The following TRAPPC9 variants were observed in gnomAD, a reference collection of about 807,000 sequenced individuals.
TRAPPC9 encodes IKK2 binding protein.
A neutral mutation model predicts 124.0 loss-of-function variants in TRAPPC9; 83 were observed. The observed-to-expected ratio is 0.67, with a 90% CI of 0.56 to 0.80. The LOEUF is 0.80. Ranked by LOEUF, TRAPPC9 falls within the 30% of genes least tolerant of loss-of-function variation. The pLI is 0.00. For missense variants in TRAPPC9, 1,302 were observed against 1,508.3 expected (o/e 0.86, Z 2.27); for synonymous variants, 638 against 617.5 (o/e 1.03, Z -0.49).
At chr8:139,945,871 G>A (rs931654805) in intron 19 of TRAPPC9, among the ~76,000 whole-genome samples, 3 of 152,106 alleles carry the variant, frequency 2.0e-5, no homozygotes, top group African/African-American at 7.2e-5. Flanking sequence ...GAAATATGAT[G>A]GACTAACAGA....
intron 3 of TRAPPC9, among the ~76,000 whole-genome samples, chr8:140,437,150 A>T (rs1311809305): frequency 9.3e-5 from 11 of 118,200 alleles, no homozygotes; most frequent in African/African-American, 2.9e-4. Context: ...ATTTTATTTT[A>T]TTTTATTTTA....
intron 5 of TRAPPC9, among the ~76,000 whole-genome samples, chr8:140,421,984 C>CAAA (rs35152459): frequency 0.012 from 524 of 43,940 alleles, 37 homozygotes; most frequent in African/African-American, 0.019. Context: ...TCCCTCATGA[C>CAAA]AAAAAAAAAA....
chr8:140,356,905 C>G (rs115183623), intron 9 of TRAPPC9, among the ~76,000 whole-genome samples: 1 of 152,092 alleles, frequency 6.6e-6, no homozygotes, highest in Admixed American at 6.5e-5. Flanking sequence ...CCACCATGCC[C>G]GGCCAAGAAT....
intron 17 of TRAPPC9, among the ~76,000 whole-genome samples, chr8:140,089,678 T>G (rs987141540): frequency 6.6e-6 from 1 of 152,132 alleles, no homozygotes; most frequent in African/African-American, 2.4e-5. Context: ...AACCTCGCCT[T>G]CTTTATCACA....
intron 19 of TRAPPC9, among the ~76,000 whole-genome samples, chr8:139,912,862 C>T (rs1831840447): frequency 6.6e-6 from 1 of 152,212 alleles, no homozygotes; most frequent in African/African-American, 2.4e-5. Flanking sequence ...CTTACTTCCC[C>T]GCCTCAAAGG....
chr8:140,127,972 T>C (rs189475022), intron 17 of TRAPPC9, among the ~76,000 whole-genome samples: 1 of 152,366 alleles, frequency 6.6e-6, no homozygotes, highest in East Asian at 1.9e-4. Context: ...TGGTGGCTTT[T>C]GCAGGGTGAG....
intron 17 of TRAPPC9, among the ~76,000 whole-genome samples, chr8:140,024,756 G>A (rs752973515): frequency 4.6e-5 from 7 of 151,920 alleles, no homozygotes; most frequent in East Asian, 1.9e-4. Context: ...CCACTGCGCC[G>A]GCCTAAACAC....
intron 17 of TRAPPC9, chr8:140,100,341 G>A (rs1052127396): frequency 3.3e-5 from 5 of 152,426 alleles, no homozygotes; most frequent in African/African-American, 1.2e-4. Flanking sequence ...GCCGTCAGCA[G>A]GGTAGCGACA....
chr8:139,890,188 G>A (rs1331496378), intron 20 of TRAPPC9, among the ~76,000 whole-genome samples: 1 of 152,270 alleles, frequency 6.6e-6, no homozygotes, highest in Non-Finnish European at 1.5e-5. Context: ...GGGTTTGGAT[G>A]TCCGGGGTGT....
chr8:140,200,501 G>A lies in TRAPPC9; in HGVS notation c.2556+20958C>T, dbSNP rs2062762275. Among the ~76,000 whole-genome samples, 4 of 152,066 alleles carry A rather than the reference G, an allele frequency of 2.6e-5. No homozygotes were observed. The South Asian group carries it at 8.3e-4, about 32-fold the overall frequency. On this transcript the variant is annotated intron_variant, in intron 17 of 22. Transcript: ENST00000438773. The stretch of plus-strand genomic sequence containing the variant: ...ACCTGGCAAACACGACCCCGGCCAG[G>A]CGATCAAGGTCAACATCACCAACAA...
At chr8:140,311,125 T>A in intron 10 of TRAPPC9, 123 bp downstream of exon 10, 1 of 1,194,234 alleles carries the variant, frequency 8.4e-7, no homozygotes, top group East Asian at 2.4e-5. Flanking sequence ...TTTAATGAGA[T>A]AATGAACCCG....
chr8:139,746,137 G>C lies in TRAPPC9; in HGVS notation c.3056-13935C>G, dbSNP rs1394438623. On this transcript the variant is annotated intron_variant, in intron 21 of 22. Coordinates refer to ENST00000438773, the MANE Select transcript of TRAPPC9 (RefSeq NM_001160372.4). Reference sequence around the variant, plus strand: ...TGCTGGGCTCCTGCAATCGCCGCCGGTGGCACCTCAGCTCTGTGTCTCAAG... The same window carrying C: ...TGCTGGGCTCCTGCAATCGCCGCCGCTGGCACCTCAGCTCTGTGTCTCAAG... 3.3e-5 allele frequency among the ~76,000 whole-genome samples: 5 copies of C among 152,224 alleles called. 1 individual carries two copies. Among genetic ancestry groups the C allele is most frequent in the Non-Finnish European group, 5.9e-5 (4 of 68,040 alleles).
At chr8:140,102,190 G>T (rs1352426010) in intron 17 of TRAPPC9, among the ~76,000 whole-genome samples, 1 of 152,148 alleles carries the variant, frequency 6.6e-6, no homozygotes, top group Non-Finnish European at 1.5e-5. Context: ...GGTATTTGGG[G>T]TTGTTGCTGT....
intron 9 of TRAPPC9, among the ~76,000 whole-genome samples, chr8:140,342,237 T>C (rs367640981): frequency 2.6e-4 from 40 of 152,174 alleles, no homozygotes; most frequent in African/African-American, 8.0e-4. Flanking sequence ...CTTCGTGACA[T>C]TGCAGAAGGT....
Position 139,947,916 on chromosome 8 carries a change from AGAGAGAGC to A in TRAPPC9, c.2811-37624_2811-37617del, listed in dbSNP as rs1446400213. On this transcript the variant is annotated intron_variant, in intron 19 of 22. Transcript: ENST00000438773. ...TGTGTATATATATATATAGAGAGAG[AGAGAGAGC>A]GAGAGAGAGAGAGAGAGAGAGTATA... is the stretch of plus-strand genomic sequence containing the variant. Among the ~76,000 whole-genome samples the A allele has an allele frequency of 5.3e-4, 21 of 39,952 alleles. 2 individuals are homozygous for A. Among genetic ancestry groups the A allele is most frequent in the African/African-American group, 2.0e-3 (20 of 10,122 alleles). 26.2% of individuals were successfully genotyped at this position (39,952 alleles called of 152,430 possible). A position where few individuals can be genotyped will look rare whatever the true frequency, so the allele number is the denominator to read the frequency against.
intron 14 of TRAPPC9, among the ~76,000 whole-genome samples, chr8:140,277,097 C>T (rs2065151386): frequency 6.6e-6 from 1 of 152,214 alleles, no homozygotes; most frequent in Non-Finnish European, 1.5e-5. Context: ...CACGCCGAAG[C>T]ACTTGGTGTC....
At chr8:139,857,321 G>T (rs917997190) in intron 21 of TRAPPC9, among the ~76,000 whole-genome samples, 6 of 152,174 alleles carry the variant, frequency 3.9e-5, no homozygotes, top group Non-Finnish European at 8.8e-5. Flanking sequence ...TGCAGGGGAA[G>T]GCCTGTCCCA....
At chr8:139,735,917 T>G (rs1818133938) in intron 21 of TRAPPC9, among the ~76,000 whole-genome samples, 1 of 152,030 alleles carries the variant, frequency 6.6e-6, no homozygotes. Flanking sequence ...CACTTAGGTG[T>G]GAGGCCAGGG....
intron 19 of TRAPPC9, among the ~76,000 whole-genome samples, chr8:139,967,443 GA>G (rs1835774758): frequency 6.6e-6 from 1 of 152,246 alleles, no homozygotes; most frequent in African/African-American, 2.4e-5. Flanking sequence ...ATCAGGGTTC[GA>G]ATGACTCGAT....
Sources: allele counts gnomAD v4.1 joint callset (sites outside exome capture counted in the v4.1 genomes callset), GRCh38; gene constraint gnomAD v4.1.1; transcripts MANE v1.5; gene names NCBI Gene and HGNC (gene_info 2026-07-23, HGNC 2026-07-21).